The following SORBS2 variants were observed in gnomAD, a reference collection of about 807,000 sequenced individuals.
SORBS2 encodes sorbin and SH3 domain-containing protein 2.
Under a neutral mutation model 97.7 loss-of-function variants are expected in SORBS2, and 46 were observed. The observed-to-expected ratio is 0.47, with a 90% CI of 0.37 to 0.60. SORBS2 has a LOEUF of 0.60. SORBS2 is among the 20% of genes least tolerant of loss of function. The pLI is 0.00. For synonymous variants in SORBS2, 476 were observed against 473.4 expected (o/e 1.01, Z -0.07); for missense variants, 1,316 against 1,282.3 (o/e 1.03, Z -0.40).
chr4:185,630,931 A>C (rs1465179720), intron 4 of SORBS2, among the ~76,000 whole-genome samples: 1 of 152,234 alleles, frequency 6.6e-6, no homozygotes, highest in Non-Finnish European at 1.5e-5. Context: ...CCTGAACTGC[A>C]GAATCTTACC....
At chr4:185,648,727 C>T (rs1468203200) in intron 3 of SORBS2, among the ~76,000 whole-genome samples, 1 of 152,158 alleles carries the variant, frequency 6.6e-6, no homozygotes, top group East Asian at 1.9e-4. Context: ...TAACGAGCTG[C>T]ATGAGCTGAG....
chr4:185,791,471 A>G (rs2099079782), intron 1 of SORBS2, among the ~76,000 whole-genome samples: 1 of 152,110 alleles, frequency 6.6e-6, no homozygotes, highest in Non-Finnish European at 1.5e-5. Context: ...CAGTGGAGAA[A>G]AGTGAATGAT....
Position 185,937,195 on chromosome 4 carries a change from G to GTGAT in SORBS2, c.-338+19000_-338+19001insATCA, listed in dbSNP as rs547088823. On this transcript the variant is annotated intron_variant, in intron 1 of 20. Coordinates refer to the SORBS2 transcript ENST00000284776. ...AGTGAGTGAGTGAGTGAGTGAGTGA[G>GTGAT]TGAGTGCTTCACGAGAACTGGAGGA... Among the ~76,000 whole-genome samples, 198 of 152,264 alleles carry GTGAT rather than the reference G, an allele frequency of 1.3e-3. 1 individual carries two copies. Among genetic ancestry groups the GTGAT allele is most frequent in the Middle Eastern group, 6.8e-3 (2 of 294 alleles).
At chr4:185,691,838 G>C (rs931523718) in intron 2 of SORBS2, among the ~76,000 whole-genome samples, 2 of 151,888 alleles carry the variant, frequency 1.3e-5, no homozygotes, top group Non-Finnish European at 2.9e-5. Flanking sequence ...TCTGCCTCCC[G>C]GGCTCACGCC....
intron 1 of SORBS2, among the ~76,000 whole-genome samples, chr4:185,833,077 T>C (rs909993769): frequency 6.6e-6 from 1 of 152,236 alleles, no homozygotes; most frequent in African/African-American, 2.4e-5. Context: ...ACATTTTTGT[T>C]ATCACATTTT....
chr4:185,678,822 C>A (rs943351299), exon 3 of SORBS2: 4 of 1,448,068 alleles, frequency 2.8e-6, no homozygotes, highest in South Asian at 3.0e-5. Flanking sequence ...AGAATCACGC[C>A]CTGAAAGAAA....
intron 1 of SORBS2, among the ~76,000 whole-genome samples, chr4:185,922,677 C>T (rs2099261457): frequency 1.3e-5 from 2 of 152,196 alleles, no homozygotes; most frequent in African/African-American, 4.8e-5. Context: ...CATTTCCTTT[C>T]CATTTTCTTA....
intron 1 of SORBS2, among the ~76,000 whole-genome samples, chr4:185,782,494 T>C (rs2099035794): frequency 6.6e-6 from 1 of 152,250 alleles, no homozygotes; most frequent in African/African-American, 2.4e-5. Context: ...ATTAGGGTTA[T>C]TGAGAGAATT....
At chr4:185,806,538 A>C (rs2099156420) in intron 1 of SORBS2, among the ~76,000 whole-genome samples, 2 of 134,348 alleles carry the variant, frequency 1.5e-5, no homozygotes, top group South Asian at 5.3e-4. Context: ...GCTCACTGCA[A>C]GCTCCTCCTC....
chr4:185,731,491 TGTCTCTCTCCCTCC>T (rs2098626598), intron 2 of SORBS2, among the ~76,000 whole-genome samples: 1 of 99,804 alleles, frequency 1.0e-5, no homozygotes, highest in Non-Finnish European at 1.9e-5. Context: ...CCTCCCTGCC[TGTCTCTCTCCCTCC>T]CTCCCTGCCT....
chr4:185,915,904 T>C (rs1352267558), intron 1 of SORBS2, among the ~76,000 whole-genome samples: 1 of 152,136 alleles, frequency 6.6e-6, no homozygotes, highest in East Asian at 1.9e-4. Flanking sequence ...TGAAGTAATA[T>C]TTGACCTGGA....
At chr4:185,702,080 T>C (rs1163950788) in intron 2 of SORBS2, among the ~76,000 whole-genome samples, 1 of 152,206 alleles carries the variant, frequency 6.6e-6, no homozygotes, top group Non-Finnish European at 1.5e-5. Context: ...CAAATTTCTT[T>C]TTTGTGGGAG....
At chr4:185,786,453 A>G (rs1259029915) in intron 1 of SORBS2, among the ~76,000 whole-genome samples, 1 of 152,232 alleles carries the variant, frequency 6.6e-6, no homozygotes, top group Admixed American at 6.5e-5. Flanking sequence ...CTTGTTACAA[A>G]CAAATACACA....
chr4:185,707,068 C>CA (rs1166673882), intron 2 of SORBS2, among the ~76,000 whole-genome samples: 4 of 151,938 alleles, frequency 2.6e-5, no homozygotes, highest in Non-Finnish European at 5.9e-5. Context: ...TTCTATGTGC[C>CA]AAAAACTGAT....
At chr4:185,926,028 G>C (rs1264187130) in intron 1 of SORBS2, among the ~76,000 whole-genome samples, 1 of 152,204 alleles carries the variant, frequency 6.6e-6, no homozygotes, top group East Asian at 1.9e-4. Context: ...CACAGACTCG[G>C]AGGAGCCACA....
intron 2 of SORBS2, among the ~76,000 whole-genome samples, chr4:185,737,159 T>C (rs1472594788): frequency 6.6e-5 from 10 of 152,224 alleles, no homozygotes; most frequent in Admixed American, 1.3e-4. Flanking sequence ...CCAAAAGCAT[T>C]GCTTCCTTAC....
chr4:185,918,873 T>G (rs2099259610), intron 1 of SORBS2, among the ~76,000 whole-genome samples: 1 of 152,188 alleles, frequency 6.6e-6, no homozygotes, highest in Non-Finnish European at 1.5e-5. Context: ...CCACGTATGT[T>G]CACCCAGTAC....
intron 1 of SORBS2, chr4:185,894,278 A>T (rs2099243947): frequency 6.6e-6 from 1 of 152,046 alleles, no homozygotes. Context: ...TGTTGGGGAA[A>T]AGTGGGCGTG....
intron 1 of SORBS2, among the ~76,000 whole-genome samples, chr4:185,914,552 G>C (rs1236538077): frequency 6.6e-6 from 1 of 152,176 alleles, no homozygotes; most frequent in Non-Finnish European, 1.5e-5. Flanking sequence ...GCAAATATCT[G>C]GGATTTGGGG....
Sources: gnomAD v4.1 joint callset for allele counts (sites outside exome capture counted in the v4.1 genomes callset) on GRCh38, gnomAD v4.1.1 for gene constraint, MANE v1.5 for transcripts, NCBI Gene and HGNC (gene_info 2026-07-23, HGNC 2026-07-21) for gene names.